The following ARL15 variants were observed in gnomAD, a reference collection of about 807,000 sequenced individuals.
The protein encoded by ARL15 is ADP-ribosylation factor-like protein 15.
In ARL15, 19 loss-of-function variants were observed where a neutral mutation model predicts 25.2. That is an observed-to-expected ratio of 0.75 (90% CI 0.53 to 1.10). ARL15 has a LOEUF of 1.10. Ranked by LOEUF, ARL15 falls within the 50% of genes least tolerant of loss-of-function variation. The pLI is 0.00. For synonymous variants in ARL15, 94 were observed against 86.8 expected (o/e 1.08, Z -0.46); for missense variants, 220 against 246.0 (o/e 0.89, Z 0.71).
At chr5:54,117,962 TC>T (rs771050516) in intron 3 of ARL15, among the ~76,000 whole-genome samples, 2 of 152,154 alleles carry the variant, frequency 1.3e-5, no homozygotes, top group Non-Finnish European at 2.9e-5. Context: ...AGACAGATAT[TC>T]ATAAAGTAAT....
At chr5:54,046,544 A>G (rs1416353691) in intron 4 of ARL15, among the ~76,000 whole-genome samples, 1 of 152,196 alleles carries the variant, frequency 6.6e-6, no homozygotes, top group East Asian at 1.9e-4. Context: ...GTTTGAAAAA[A>G]TTAAAAAATC....
chr5:54,011,696 T>C (rs572021367), intron 4 of ARL15, among the ~76,000 whole-genome samples: 5 of 152,142 alleles, frequency 3.3e-5, no homozygotes, highest in South Asian at 4.2e-4. Context: ...GTGGAGGAAA[T>C]GCTGGAAAAC....
At chr5:53,928,598 T>G (rs1746103064) in intron 4 of ARL15, among the ~76,000 whole-genome samples, 1 of 152,220 alleles carries the variant, frequency 6.6e-6, no homozygotes. Context: ...TATATTGATA[T>G]CCATTCATAA....
intron 1 of ARL15, among the ~76,000 whole-genome samples, chr5:54,263,619 G>A (rs575153652): frequency 6.6e-6 from 1 of 152,212 alleles, no homozygotes; most frequent in Admixed American, 6.5e-5. Flanking sequence ...GAGGCCAAAA[G>A]GGTAAAACAG....
intron 4 of ARL15, among the ~76,000 whole-genome samples, chr5:54,035,124 T>C (rs926066127): frequency 2.0e-5 from 3 of 152,198 alleles, no homozygotes; most frequent in Non-Finnish European, 4.4e-5. Context: ...TGTCAGTTAT[T>C]TAAATTTTTA....
intron 4 of ARL15, among the ~76,000 whole-genome samples, chr5:53,972,102 T>G (rs937474790): frequency 2.0e-5 from 3 of 152,172 alleles, no homozygotes; most frequent in Non-Finnish European, 4.4e-5. Context: ...ATTATACTAT[T>G]CTCTCAACTT....
chr5:54,086,015 A>T (rs1751953622), intron 4 of ARL15, among the ~76,000 whole-genome samples: 1 of 151,986 alleles, frequency 6.6e-6, no homozygotes, highest in Non-Finnish European at 1.5e-5. Flanking sequence ...CCTGGGTTCA[A>T]GCAATTCTCC....
chr5:54,015,764 A>G (rs1749406779), intron 4 of ARL15, among the ~76,000 whole-genome samples: 1 of 152,060 alleles, frequency 6.6e-6, no homozygotes, highest in African/African-American at 2.4e-5. Flanking sequence ...CCAAAATATG[A>G]CTGTGAGAGA....
At chr5:54,160,126 A>C (rs1345227538) in intron 2 of ARL15, among the ~76,000 whole-genome samples, 1 of 152,212 alleles carries the variant, frequency 6.6e-6, no homozygotes, top group South Asian at 2.1e-4. Context: ...GGCATGATTT[A>C]TGCCACAGCA....
At chr5:53,948,284 G>C (rs918416787) in intron 4 of ARL15, among the ~76,000 whole-genome samples, 2 of 152,180 alleles carry the variant, frequency 1.3e-5, no homozygotes, top group Non-Finnish European at 2.9e-5. Flanking sequence ...ACAAATATTA[G>C]TAAACTTTAC....
intron 1 of ARL15, among the ~76,000 whole-genome samples, chr5:54,244,274 GACAA>G (rs1283234065): frequency 6.6e-6 from 1 of 152,122 alleles, no homozygotes; most frequent in Admixed American, 6.5e-5. Flanking sequence ...AAAAATAACT[GACAA>G]ACTAATGTAA....
At chr5:53,911,993 A>G (rs1031380940) in intron 4 of ARL15, 2 of 151,542 alleles carry the variant, frequency 1.3e-5, no homozygotes, top group Non-Finnish European at 2.9e-5. Context: ...AAGTCTCTAT[A>G]TACCTTACCA....
At chr5:54,109,475 A>G (rs961766018) in intron 4 of ARL15, among the ~76,000 whole-genome samples, 1 of 152,026 alleles carries the variant, frequency 6.6e-6, no homozygotes. Flanking sequence ...ATAAGATTTT[A>G]AAAACCAGGA....
intron 4 of ARL15, among the ~76,000 whole-genome samples, chr5:54,027,768 G>A (rs568113797): frequency 6.6e-6 from 1 of 151,956 alleles, no homozygotes; most frequent in Admixed American, 6.6e-5. Context: ...TTTAATCAAA[G>A]AATCAAATAC....
chr5:54,198,627 C>G (rs2112476021), intron 1 of ARL15, among the ~76,000 whole-genome samples: 1 of 149,070 alleles, frequency 6.7e-6, no homozygotes, highest in African/African-American at 2.5e-5. Context: ...CTACAAACCA[C>G]TGCTCAATGA....
chr5:53,987,097 C>T (rs1279053294), intron 4 of ARL15, among the ~76,000 whole-genome samples: 5 of 152,146 alleles, frequency 3.3e-5, no homozygotes, highest in African/African-American at 4.8e-5. Flanking sequence ...ATCCCAAGGG[C>T]AGTAGAAAGC....
intron 1 of ARL15, among the ~76,000 whole-genome samples, chr5:54,209,355 G>C (rs1755969328): frequency 6.8e-6 from 1 of 147,844 alleles, no homozygotes; most frequent in African/African-American, 2.5e-5. Flanking sequence ...GAGAGAGAGA[G>C]GCTAAATACA....
chr5:53,959,247 G>A (rs1747279988), intron 4 of ARL15, among the ~76,000 whole-genome samples: 1 of 152,108 alleles, frequency 6.6e-6, no homozygotes, highest in Non-Finnish European at 1.5e-5. Context: ...TCAAATAAAT[G>A]TGCTGGCTAA....
At chr5:54,208,004 A>G (rs1755919534) in intron 1 of ARL15, among the ~76,000 whole-genome samples, 1 of 152,188 alleles carries the variant, frequency 6.6e-6, no homozygotes, top group African/African-American at 2.4e-5. Context: ...ACTTTAGCAT[A>G]GTGAATATTG....
Sources: gnomAD v4.1 joint callset for allele counts (sites outside exome capture counted in the v4.1 genomes callset) on GRCh38, gnomAD v4.1.1 for gene constraint, MANE v1.5 for transcripts, NCBI Gene and HGNC (gene_info 2026-07-23, HGNC 2026-07-21) for gene names.